The following PRDX4 variants were observed in gnomAD, a reference collection of about 807,000 sequenced individuals.
PRDX4 encodes the protein peroxiredoxin 4.
Under a neutral mutation model 20.5 loss-of-function variants are expected in PRDX4, and 12 were observed. That is an observed-to-expected ratio of 0.58 (90% CI 0.37 to 0.95). The LOEUF (loss-of-function observed/expected upper bound fraction) is 0.95, where lower values mean the gene tolerates loss of function less well. Ranked by LOEUF, PRDX4 falls within the 40% of genes least tolerant of loss-of-function variation. The pLI is 0.01. For missense variants in PRDX4, 180 were observed against 207.3 expected, an observed-to-expected ratio of 0.87 and a Z score of 0.81; for synonymous variants, 99 against 87.5, an observed-to-expected ratio of 1.13 and a Z score of -0.73.
chrX:23,684,791 C>T (rs1397447283), intron 6 of PRDX4, among the ~76,000 whole-genome samples: 3 of 111,003 alleles, frequency 2.7e-5, no homozygotes, highest in South Asian at 3.8e-4. Context: ...CATGAGGCAC[C>T]GCTCCTGGCC....
At chrX:23,674,892 T>C in intron 2 of PRDX4, 98 bp from the exon 3 acceptor site, 1 of 1,064,918 alleles carries the variant, frequency 9.4e-7, no homozygotes, top group Non-Finnish European at 1.2e-6. Flanking sequence ...TTAATGTGCA[T>C]TTTTATTATT....
chrX:23,680,901 G>GATC (rs1160370961), intron 4 of PRDX4, among the ~76,000 whole-genome samples: 1 of 109,646 alleles, frequency 9.1e-6, no homozygotes, highest in Admixed American at 9.8e-5. Flanking sequence ...ACAAGAGTGA[G>GATC]ACCCTGTCTC....
chrX:23,679,283 C>G lies in PRDX4; in HGVS notation c.595C>G (p.Leu199Val), dbSNP rs1928012928. Residue 199 changes from leucine to valine, a missense_variant, in exon 4 of 7, where the codon CTT becomes GTT. Coordinates refer to ENST00000379341, the MANE Select transcript of PRDX4 (RefSeq NM_006406.2). Reference protein sequence around the residue: ...GVYLEDSGHTLRGLFIIDDKG... With the variant: ...GVYLEDSGHTVRGLFIIDDKG... ...ATACCTAGAGGACTCAGGCCACACT[C>G]TTAGGTACCTTTCAGTGGTTTTATA... 1 of 1,193,989 alleles carries G rather than the reference C, an allele frequency of 8.4e-7. No individual in the cohort carries two copies. The highest frequency in any genetic ancestry group is 1.1e-6 in the Non-Finnish European group (1 of 887,819).
intron 6 of PRDX4, among the ~76,000 whole-genome samples, chrX:23,684,243 C>A (rs2146795952): frequency 9.2e-6 from 1 of 108,286 alleles, no homozygotes; most frequent in East Asian, 2.9e-4. Flanking sequence ...GCCAGGTATA[C>A]AGATAAATAC....
chrX:23,681,887 A>T (rs1271962157), intron 4 of PRDX4, among the ~76,000 whole-genome samples: 2 of 111,012 alleles, frequency 1.8e-5, no homozygotes, highest in East Asian at 5.7e-4. Context: ...CAAAAAATAC[A>T]AAAATTAGCT....
intron 5 of PRDX4, among the ~76,000 whole-genome samples, chrX:23,683,468 A>G (rs768714715): frequency 9.0e-6 from 1 of 111,722 alleles, no homozygotes; most frequent in Admixed American, 9.6e-5. Flanking sequence ...AAATGAAAAT[A>G]GATTAGCTGC....
At chrX:23,680,729 CAAAA>C (rs1190987666) in intron 4 of PRDX4, among the ~76,000 whole-genome samples, 10 of 101,073 alleles carry the variant, frequency 9.9e-5, no homozygotes, top group African/African-American at 2.9e-4. Flanking sequence ...TTGTCTTCTA[CAAAA>C]AAAAAAAAAT....
At chrX:23,669,119 T>G (rs954514525) in intron 1 of PRDX4, among the ~76,000 whole-genome samples, 1 of 110,990 alleles carries the variant, frequency 9.0e-6, no homozygotes, top group African/African-American at 3.3e-5. Flanking sequence ...AGAGACGGGG[T>G]TTCACTATAT....
At position 23,671,545 on chromosome X, in the gene PRDX4, C is replaced by G. The variant is rs1927842752; in HGVS notation, c.258C>G (p.Pro86=). Residue 86 remains proline, a synonymous_variant, in exon 2 of 7, where the codon CCC becomes CCG. Transcript: ENST00000379341. ...LSKAKISKPA[P]YWEGTAVIDG... The stretch of plus-strand genomic sequence containing the variant: ...TTTTCTTAGTTTCCAAGCCAGCGCC[C>G]TACTGGGAAGGAACAGCTGTGATCG... The G allele has an allele frequency of 8.3e-7, 1 of 1,202,770 alleles. No individual in the cohort carries two copies. Among genetic ancestry groups the G allele is most frequent in the Non-Finnish European group, 1.1e-6 (1 of 892,188 alleles).
intron 3 of PRDX4, among the ~76,000 whole-genome samples, chrX:23,676,882 C>G (rs1927961211): frequency 9.0e-6 from 1 of 110,875 alleles, no homozygotes; most frequent in African/African-American, 3.3e-5. Flanking sequence ...GTTGCCCAGG[C>G]TGGAGTGCAG....
chrX:23,681,000 C>T (rs968518938), intron 4 of PRDX4, among the ~76,000 whole-genome samples: 3 of 111,762 alleles, frequency 2.7e-5, no homozygotes, highest in Non-Finnish European at 5.6e-5. Context: ...GAGGCCAAGG[C>T]AGGCGGATCA....
chrX:23,679,914 G>A (rs1053421176), intron 4 of PRDX4, among the ~76,000 whole-genome samples: 6 of 111,945 alleles, frequency 5.4e-5, no homozygotes, highest in East Asian at 2.8e-4. Context: ...CCCAGGAGGC[G>A]GAGGTTGCGG....
At chrX:23,685,110 A>T (rs1033331934) in intron 6 of PRDX4, among the ~76,000 whole-genome samples, 21 of 112,381 alleles carry the variant, frequency 1.9e-4, no homozygotes, top group African/African-American at 6.8e-4. Context: ...GGCCCCCAAA[A>T]GTTAATCATG....
At position 23,686,389 on chromosome X, in the gene PRDX4, T is replaced by G; in HGVS notation, c.*54T>G. On this transcript the variant is annotated 3_prime_UTR_variant, in exon 7 of 7. Coordinates refer to ENST00000379341, the MANE Select transcript of PRDX4 (RefSeq NM_006406.2). Reference sequence around the variant, plus strand: ...AAAGTTCTCAATAAAGTTCACGGTTTCATTACCACATTGTGTTGCAGTAGT... The same window carrying G: ...AAAGTTCTCAATAAAGTTCACGGTTGCATTACCACATTGTGTTGCAGTAGT... 1.1e-6 allele frequency: 1 copy of G among 935,603 alleles called. No individual in the cohort carries two copies. The highest frequency in any genetic ancestry group is 1.5e-6 in the Non-Finnish European group (1 of 669,315). The allele number at this position is 935,603 out of a possible 1,213,427, so 77.1% of individuals were successfully genotyped here. A position where few individuals can be genotyped will look rare whatever the true frequency, so the allele number is the denominator to read the frequency against.
chrX:23,675,383 C>T (rs964747289), intron 3 of PRDX4: 6 of 405,939 alleles, frequency 1.5e-5, no homozygotes, highest in Non-Finnish European at 2.4e-5. Flanking sequence ...ATTTCTATAG[C>T]GAAAACCACT....
Position 23,667,800 on chromosome X carries a change from G to C in PRDX4, c.230G>C (p.Ser77Thr). 2 of 1,211,272 alleles carry C rather than the reference G, an allele frequency of 1.7e-6. No homozygotes were observed. The highest frequency in any genetic ancestry group is 3.5e-5 in the South Asian group (2 of 56,970). Reference sequence around the variant, plus strand: ...GTCGCCGACCACTCCCTGCACCTAAGCAAAGCGAAGAGTAGGTGGTGTCCC... The same window carrying C: ...GTCGCCGACCACTCCCTGCACCTAACCAAAGCGAAGAGTAGGTGGTGTCCC... ...VSVADHSLHLSKAKISKPAPY... is the reference protein window; with the variant it reads ...VSVADHSLHLTKAKISKPAPY... The change falls in exon 1 of 7, where the codon AGC becomes ACC. Residue 77 changes from serine to threonine, a missense_variant. Ser to Thr is a moderately conservative substitution (Grantham distance 58). This residue lies in a region of PRDX4 where 105 missense variants were observed against 114.2 expected (regional missense o/e 0.92). Transcript: ENST00000379341.
At chrX:23,670,760 T>A (rs1927827355) in intron 1 of PRDX4, among the ~76,000 whole-genome samples, 1 of 112,106 alleles carries the variant, frequency 8.9e-6, no homozygotes, top group African/African-American at 3.2e-5. Flanking sequence ...CAAAGCCCTC[T>A]AGGAAAATGA....
At chrX:23,677,824 G>T (rs1927978442) in intron 3 of PRDX4, among the ~76,000 whole-genome samples, 1 of 111,811 alleles carries the variant, frequency 8.9e-6, no homozygotes, top group Non-Finnish European at 1.9e-5. Context: ...AAAGGTAAAT[G>T]GTTTAAATCT....
chrX:23,684,636 G>T (rs1296264738), intron 6 of PRDX4, among the ~76,000 whole-genome samples: 1 of 110,056 alleles, frequency 9.1e-6, no homozygotes, highest in African/African-American at 3.3e-5. Flanking sequence ...AAGTAGCTGG[G>T]ACTACAAGCC....
Sources: allele counts gnomAD v4.1 joint callset (sites outside exome capture counted in the v4.1 genomes callset), GRCh38; gene constraint gnomAD v4.1.1; regional missense constraint gnomAD v4.1.1; transcripts MANE v1.5; gene names NCBI Gene and HGNC (gene_info 2026-07-23, HGNC 2026-07-21).